GLRA3: variants seen among roughly 807,000 people sequenced by gnomAD.
The protein encoded by GLRA3 is glycine receptor subunit alpha-3.
Under a neutral mutation model 60.4 loss-of-function variants are expected in GLRA3, and 44 were observed. That is an observed-to-expected ratio of 0.73 (90% CI 0.57 to 0.94). The LOEUF is 0.94. Ranked by LOEUF, GLRA3 falls within the 40% of genes least tolerant of loss-of-function variation. The pLI is 0.00. For synonymous variants in GLRA3, 223 were observed against 192.9 expected (o/e 1.16, Z -1.29); for missense variants, 508 against 564.6 (o/e 0.90, Z 1.02).
intron 3 of GLRA3, among the ~76,000 whole-genome samples, chr4:174,763,178 G>A (rs1296109523): frequency 6.6e-6 from 1 of 152,092 alleles, no homozygotes; most frequent in Non-Finnish European, 1.5e-5. Flanking sequence ...AAAGCACTCA[G>A]GTCACAAAGC....
rs762858460 is a variant in GLRA3 at position 174,715,578 on chromosome 4, T to C, written c.492-8A>G. 5 of 1,296,810 alleles carry C rather than the reference T, an allele frequency of 3.9e-6. No individual in the cohort carries two copies. The East Asian group carries it at 1.2e-4, about 30-fold the overall frequency. 80.3% of individuals were successfully genotyped at this position (1,296,810 alleles called of 1,614,324 possible). ...GAAAGTGTTAATGTTAATCTGAAAG[T>C]CAAAGTAATTATTTTTAAAGGAAAT... On this transcript the variant is annotated splice_region_variant and splice_polypyrimidine_tract_variant and intron_variant, in intron 4 of 9. Transcript: ENST00000274093.
Position 174,695,925 on chromosome 4 carries a change from A to G in GLRA3, c.575-12986T>C, listed in dbSNP as rs910672147. ...ACAAAATCAATGTACAAAAATCACTATCATTCCTATACACCAACAACAGCC... is the reference window on the plus strand; with the variant it reads ...ACAAAATCAATGTACAAAAATCACTGTCATTCCTATACACCAACAACAGCC... On this transcript the variant is annotated intron_variant, in intron 5 of 9. Transcript: ENST00000274093. 6.6e-5 allele frequency among the ~76,000 whole-genome samples: 10 copies of G among 152,120 alleles called. 1 individual carries two copies. Among genetic ancestry groups the G allele is most frequent in the Non-Finnish European group, 1.5e-4 (10 of 67,986 alleles).
At chr4:174,773,647 C>T (rs192641829) in intron 2 of GLRA3, among the ~76,000 whole-genome samples, 21 of 152,052 alleles carry the variant, frequency 1.4e-4, no homozygotes, top group African/African-American at 4.3e-4. Flanking sequence ...CAAGGAGAGA[C>T]GTTATTTTAT....
At chr4:174,796,088 TG>T (rs1739552813) in intron 1 of GLRA3, among the ~76,000 whole-genome samples, 1 of 152,160 alleles carries the variant, frequency 6.6e-6, no homozygotes, top group African/African-American at 2.4e-5. Flanking sequence ...CCTAAGTTGA[TG>T]GTAATAGGAG....
At chr4:174,771,960 T>C (rs1738407236) in intron 2 of GLRA3, among the ~76,000 whole-genome samples, 1 of 152,186 alleles carries the variant, frequency 6.6e-6, no homozygotes, top group Non-Finnish European at 1.5e-5. Context: ...CACATTTCAG[T>C]GTCCCTTGGG....
rs1050323763 is a variant in GLRA3 at position 174,786,410 on chromosome 4, C to G, written c.199+2406G>C. 2.6e-5 allele frequency among the ~76,000 whole-genome samples: 4 copies of G among 152,020 alleles called. No homozygotes were observed. The East Asian group carries it at 7.7e-4, about 29-fold the overall frequency. The stretch of plus-strand genomic sequence containing the variant: ...ATTTTTGCCTGAGGTGAGGTGGGCC[C>G]CTAGGTACATGACGACACAAGGGCT... On this transcript the variant is annotated intron_variant, in intron 2 of 9. Coordinates refer to ENST00000274093, the MANE Select transcript of GLRA3 (RefSeq NM_006529.4).
chr4:174,742,926 T>C (rs1203240445), intron 3 of GLRA3, among the ~76,000 whole-genome samples: 3 of 152,180 alleles, frequency 2.0e-5, no homozygotes, highest in Admixed American at 1.3e-4. Flanking sequence ...TGTTTTGTTT[T>C]ACTTTACCCT....
At chr4:174,648,256 T>C (rs1401762952) in intron 9 of GLRA3, among the ~76,000 whole-genome samples, 6 of 152,206 alleles carry the variant, frequency 3.9e-5, no homozygotes, top group Admixed American at 3.9e-4. Flanking sequence ...AGGTCAGGAA[T>C]TCGAGACCAG....
At chr4:174,789,318 T>A (rs1179634654) in intron 1 of GLRA3, among the ~76,000 whole-genome samples, 1 of 152,186 alleles carries the variant, frequency 6.6e-6, no homozygotes, top group African/African-American at 2.4e-5. Context: ...AACTGTGAAC[T>A]ACAATCTTAT....
At chr4:174,645,212 G>A (rs1276699282) in intron 9 of GLRA3, among the ~76,000 whole-genome samples, 2 of 152,056 alleles carry the variant, frequency 1.3e-5, no homozygotes, top group African/African-American at 4.8e-5. Flanking sequence ...AGGAGATCGA[G>A]ACCATCTTGG....
intron 9 of GLRA3, among the ~76,000 whole-genome samples, chr4:174,645,482 T>C (rs1467884106): frequency 2.0e-5 from 3 of 148,520 alleles, no homozygotes; most frequent in South Asian, 4.2e-4. Flanking sequence ...CAATGAATAA[T>C]ATATTATAAA....
chr4:174,714,758 G>C (rs1453687902), intron 5 of GLRA3, among the ~76,000 whole-genome samples: 4 of 152,146 alleles, frequency 2.6e-5, no homozygotes, highest in Non-Finnish European at 4.4e-5. Context: ...TTTTATATGA[G>C]ATTAAACACT....
chr4:174,699,725 C>T (rs1409476197), intron 5 of GLRA3, among the ~76,000 whole-genome samples: 2 of 151,764 alleles, frequency 1.3e-5, no homozygotes, highest in Non-Finnish European at 2.9e-5. Context: ...GGAACCAGAA[C>T]TTCAAATTTG....
rs189685555 is a variant in GLRA3, at chr4:174,678,146, T to G, written c.713-854A>C. 2.6e-5 allele frequency among the ~76,000 whole-genome samples: 4 copies of G among 152,292 alleles called. No homozygotes were observed. The East Asian group carries it at 7.7e-4, about 29-fold the overall frequency. On this transcript the variant is annotated intron_variant, in intron 6 of 9. Coordinates refer to ENST00000274093, the MANE Select transcript of GLRA3 (RefSeq NM_006529.4). The stretch of plus-strand genomic sequence containing the variant: ...ATTTGAAAATAACTTAAAAACACAC[T>G]AAAAACAAAGGGATCCATTTGTACT...
chr4:174,753,088 T>C (rs1183442605), intron 3 of GLRA3, among the ~76,000 whole-genome samples: 4 of 152,214 alleles, frequency 2.6e-5, no homozygotes, highest in African/African-American at 9.6e-5. Context: ...TATGTCATTG[T>C]TGAGAAGGAA....
chr4:174,815,695 G>C (rs931277135), intron 1 of GLRA3, among the ~76,000 whole-genome samples: 14 of 152,134 alleles, frequency 9.2e-5, no homozygotes, highest in Admixed American at 1.3e-4. Flanking sequence ...TTTTAGTAAT[G>C]GCTGGAATTG....
chr4:174,758,943 C>A (rs1579562013), intron 3 of GLRA3, among the ~76,000 whole-genome samples: 1 of 152,032 alleles, frequency 6.6e-6, no homozygotes, highest in East Asian at 1.9e-4. Flanking sequence ...TGGATTAGAG[C>A]ACTTAATACC....
intron 5 of GLRA3, among the ~76,000 whole-genome samples, chr4:174,692,004 G>A (rs536914734): frequency 2.5e-4 from 38 of 150,462 alleles, no homozygotes; most frequent in African/African-American, 8.1e-4. Context: ...CTGCCCCGCC[G>A]CCCCGTCTGG....
At chr4:174,769,594 A>G (rs902433111) in intron 2 of GLRA3, among the ~76,000 whole-genome samples, 3 of 152,058 alleles carry the variant, frequency 2.0e-5, no homozygotes, top group Non-Finnish European at 4.4e-5. Context: ...ATGTAATGAG[A>G]ATGTTTTGCT....
Sources: gnomAD v4.1 joint callset for allele counts (sites outside exome capture counted in the v4.1 genomes callset) on GRCh38, gnomAD v4.1.1 for gene constraint, MANE v1.5 for transcripts, NCBI Gene and HGNC (gene_info 2026-07-23, HGNC 2026-07-21) for gene names.